PIK3R5: variants seen among roughly 807,000 people sequenced by gnomAD.
PIK3R5 encodes the protein phosphoinositide-3-kinase regulatory subunit 5.
Under a neutral mutation model 94.9 loss-of-function variants are expected in PIK3R5, and 32 were observed. The observed-to-expected ratio is 0.34, with a 90% CI of 0.25 to 0.45. The LOEUF (loss-of-function observed/expected upper bound fraction) is 0.45, where lower values mean the gene tolerates loss of function less well. PIK3R5 is among the 20% of genes least tolerant of loss of function. The pLI, the probability that PIK3R5 is intolerant of heterozygous loss-of-function variation, is 1.00. For synonymous variants in PIK3R5, 443 were observed against 479.4 expected, an observed-to-expected ratio of 0.92 and a Z score of 0.99; for missense variants, 853 against 1,144.6, an observed-to-expected ratio of 0.75 and a Z score of 3.68.
intron 1 of PIK3R5, among the ~76,000 whole-genome samples, chr17:8,957,293 A>G (rs2091481066): frequency 1.3e-5 from 2 of 152,154 alleles, no homozygotes; most frequent in Non-Finnish European, 1.5e-5. Context: ...TCCACTGTTG[A>G]CCTGCTCTGA....
Position 8,904,843 on chromosome 17 carries a change from G to T in PIK3R5, c.346C>A (p.Pro116Thr). The T allele has an allele frequency of 6.2e-7, 1 of 1,614,074 alleles. No individual in the cohort carries two copies. The highest frequency in any genetic ancestry group is 8.5e-7 in the Non-Finnish European group (1 of 1,179,996). ...TGGCAGATGCTGCAGTAAGGAACAGGCCAGGTCAGGAACCGGTGGTAGGTG... is the reference window on the plus strand; with the variant it reads ...TGGCAGATGCTGCAGTAAGGAACAGTCCAGGTCAGGAACCGGTGGTAGGTG... ...ASTYHRFLTWPVPYCSICQEL... is the reference protein window; with the variant it reads ...ASTYHRFLTWTVPYCSICQEL... The change falls in exon 5 of 19, where the codon CCT (proline) becomes ACT (threonine). Residue 116 changes from proline (P) to threonine (T), a missense_variant. By Grantham distance (38) the Pro-to-Thr change is conservative (BLOSUM62 -1). Around this residue, in one of 6 missense-constraint regions of PIK3R5, gnomAD observed 108 missense variants for 170.1 expected, o/e 0.63. Transcript: ENST00000447110. The surrounding 1 kb of genome is among the most constrained non-coding windows in gnomAD (Gnocchi z 5.1).
intron 5 of PIK3R5, among the ~76,000 whole-genome samples, chr17:8,902,897 T>A (rs1597389720): frequency 6.6e-6 from 1 of 150,680 alleles, no homozygotes; most frequent in East Asian, 1.9e-4. Context: ...CAGGCTGGAG[T>A]GCAATGGTGT....
rs2090860354 is a variant in PIK3R5, at chr17:8,925,449, G to GGATAGATAGATGGATGATA, written c.-13-13943_-13-13942insTATCATCCATCTATCTATC. ...GTAGATGGAGAGATAGATAGTAGAT[G>GGATAGATAGATGGATGATA]GATAGATAGTAGATGGATGATAGAT... On this transcript the variant is annotated intron_variant, in intron 1 of 18. Coordinates refer to ENST00000447110, the MANE Select transcript of PIK3R5 (RefSeq NM_001142633.3). The surrounding 1 kb of genome is among the most constrained non-coding windows in gnomAD (Gnocchi z 5.1). Among the ~76,000 whole-genome samples, 1 of 129,412 alleles carries GGATAGATAGATGGATGATA rather than the reference G, an allele frequency of 7.7e-6. No individual in the cohort carries two copies. Among genetic ancestry groups the GGATAGATAGATGGATGATA allele is most frequent in the Non-Finnish European group, 1.8e-5 (1 of 54,752 alleles). The allele number at this position is 129,412 out of a possible 152,430, so 84.9% of individuals were successfully genotyped here. A position where few individuals can be genotyped will look rare whatever the true frequency, so the allele number is the denominator to read the frequency against.
chr17:8,913,854 C>T (rs2090578964), intron 1 of PIK3R5, among the ~76,000 whole-genome samples: 1 of 152,212 alleles, frequency 6.6e-6, no homozygotes, highest in Non-Finnish European at 1.5e-5. Flanking sequence ...CTGTTTAACA[C>T]CTCCACAGGT....
At chr17:8,887,300 C>A (rs543582058) in intron 11 of PIK3R5, 79 bp from the exon 12 acceptor site, 5 of 1,562,908 alleles carry the variant, frequency 3.2e-6, no homozygotes, top group Non-Finnish European at 4.4e-6. Flanking sequence ...TGGATGGCAC[C>A]TGCAGCCCCA....
chr17:8,910,556 C>A (rs75322230), intron 2 of PIK3R5, among the ~76,000 whole-genome samples: 4 of 152,268 alleles, frequency 2.6e-5, no homozygotes, highest in South Asian at 4.1e-4. Context: ...GCAAGTAGAG[C>A]CAGGGTCCTG....
rs1029567069 is a variant in PIK3R5, at chr17:8,890,977, C to A, written c.483-65G>T. 6.5e-5 allele frequency: 97 copies of A among 1,488,226 alleles called. No homozygotes were observed. The highest frequency in any genetic ancestry group is 6.5e-5 in the Non-Finnish European group (71 of 1,096,450). The allele number at this position is 1,488,226 out of a possible 1,614,324, so 92.2% of individuals were successfully genotyped here. On this transcript the variant is annotated intron_variant, in intron 6 of 18. Coordinates refer to ENST00000447110, the MANE Select transcript of PIK3R5 (RefSeq NM_001142633.3). The surrounding 1 kb of genome is among the most constrained non-coding windows in gnomAD (Gnocchi z 6.1). ...GCAGCATGCCACAGTGCAGCCACCCCCCTCGTGCCTGCTGGTGCTCAGCTC... is the reference window on the plus strand; with the variant it reads ...GCAGCATGCCACAGTGCAGCCACCCACCTCGTGCCTGCTGGTGCTCAGCTC...
rs117378482 is a variant in PIK3R5, at chr17:8,914,777, C to T, written c.-13-3270G>A. Among the ~76,000 whole-genome samples the T allele has an allele frequency of 2.6e-5, 4 of 152,360 alleles. No homozygotes were observed. In the East Asian group the frequency reaches 7.7e-4, roughly 29 times the overall value. ...CTTGCAGACCCACTGTTGGACAAGT[C>T]AGCAGCTCCAGATTGGGGTGAGGGG... On this transcript the variant is annotated intron_variant, in intron 1 of 18. Transcript: ENST00000447110.
At chr17:8,910,232 T>C (rs985795616) in intron 2 of PIK3R5, among the ~76,000 whole-genome samples, 6 of 152,194 alleles carry the variant, frequency 3.9e-5, no homozygotes, top group African/African-American at 1.4e-4. Context: ...CTCCAGGACC[T>C]CTCACGTGTA....
chr17:8,936,314 T>TAGG (rs2091075592), intron 1 of PIK3R5, among the ~76,000 whole-genome samples: 1 of 152,196 alleles, frequency 6.6e-6, no homozygotes, highest in African/African-American at 2.4e-5. Flanking sequence ...CTCTTTGTGT[T>TAGG]GTACAATTCT....
chr17:8,906,806 A>G (rs1172999406), intron 3 of PIK3R5, among the ~76,000 whole-genome samples: 2 of 152,186 alleles, frequency 1.3e-5, no homozygotes, highest in African/African-American at 4.8e-5. Flanking sequence ...CCAAAAAAAA[A>G]GGAGAAATAT....
chr17:8,932,379 C>T (rs1397092040), intron 1 of PIK3R5, among the ~76,000 whole-genome samples: 1 of 152,096 alleles, frequency 6.6e-6, no homozygotes, highest in Non-Finnish European at 1.5e-5. Context: ...AGATTACAGG[C>T]ATGCACTACC....
In PIK3R5 at chr17:8,882,055, G is replaced by A; in HGVS notation, c.2206-174C>T. On this transcript the variant is annotated intron_variant, in intron 15 of 18. Coordinates refer to ENST00000447110, the MANE Select transcript of PIK3R5 (RefSeq NM_001142633.3). This position sits in a 1 kb window ranked among gnomAD's most constrained non-coding sequence, Gnocchi z 4.1. ...CCTGGATAGACCTGGATGACTCCAG[G>A]GAAGAGCTCACGTCACTGGCTTGGT... The A allele has an allele frequency of 1.6e-6, 1 of 608,400 alleles. No individual in the cohort carries two copies. Among genetic ancestry groups the A allele is most frequent in the Non-Finnish European group, 2.9e-6 (1 of 340,740 alleles). 37.7% of individuals were successfully genotyped at this position (608,400 alleles called of 1,614,324 possible).
At chr17:8,957,567 C>T (rs547048617) in intron 1 of PIK3R5, among the ~76,000 whole-genome samples, 1 of 152,326 alleles carries the variant, frequency 6.6e-6, no homozygotes, top group South Asian at 2.1e-4. Context: ...AGTGGTTGCT[C>T]AGCATCCTCC....
At chr17:8,916,774 G>T (rs2090638992) in intron 1 of PIK3R5, 2 of 152,450 alleles carry the variant, frequency 1.3e-5, no homozygotes, top group Middle Eastern at 3.4e-3. Flanking sequence ...GTCAGAGGAG[G>T]TGTAGGGTCT....
chr17:8,915,538 G>A (rs1040125916), intron 1 of PIK3R5, among the ~76,000 whole-genome samples: 7 of 152,188 alleles, frequency 4.6e-5, no homozygotes, highest in African/African-American at 1.7e-4. Context: ...AGGCTCACAG[G>A]AGTGTGTGCC....
At chr17:8,934,836 T>C (rs561677876) in intron 1 of PIK3R5, among the ~76,000 whole-genome samples, 1 of 152,318 alleles carries the variant, frequency 6.6e-6, no homozygotes, top group South Asian at 2.1e-4. Context: ...CTCCCAGCCC[T>C]CTGAAACCTT....
rs1223056252 is a variant in PIK3R5 at position 8,935,967 on chromosome 17, T to A, written c.-13-24460A>T. ...TACTCGGGAGGCTGAGGCAGGAGAA[T>A]GGCGTGAACCCGGGAGGCGGAGATT... On this transcript the variant is annotated intron_variant, in intron 1 of 18. Coordinates refer to ENST00000447110, the MANE Select transcript of PIK3R5 (RefSeq NM_001142633.3). The surrounding 1 kb of genome is among the most constrained non-coding windows in gnomAD (Gnocchi z 4.5). Among the ~76,000 whole-genome samples the A allele has an allele frequency of 1.3e-5, 2 of 148,628 alleles. No individual in the cohort carries two copies. Among genetic ancestry groups the A allele is most frequent in the African/African-American group, 5.0e-5 (2 of 39,920 alleles).
chr17:8,932,308 A>G (rs1003605837), intron 1 of PIK3R5, among the ~76,000 whole-genome samples: 4 of 151,960 alleles, frequency 2.6e-5, no homozygotes, highest in Non-Finnish European at 4.4e-5. Context: ...ATCTCGGCTC[A>G]CTGCAACCTC....
Sources: allele counts gnomAD v4.1 joint callset (sites outside exome capture counted in the v4.1 genomes callset), GRCh38; gene constraint gnomAD v4.1.1; regional missense constraint gnomAD v4.1.1; non-coding constraint Gnocchi (gnomAD v3.1); transcripts MANE v1.5; gene names NCBI Gene and HGNC (gene_info 2026-07-23, HGNC 2026-07-21).